SLCO2B1: variants seen among roughly 807,000 people sequenced by gnomAD.
The protein encoded by SLCO2B1 is solute carrier organic anion transporter family member 2B1, also known as OATP-RP2.
SLCO2B1 carries 41 observed loss-of-function variants against 67.3 expected under a neutral mutation model. The observed-to-expected ratio is 0.61, with a 90% confidence interval of 0.47 to 0.79. SLCO2B1 has a LOEUF of 0.79. Among genes scored for constraint, SLCO2B1 ranks in the 30% least tolerant of loss-of-function variants. SLCO2B1 has a pLI of 0.00. For missense variants in SLCO2B1, 837 were observed against 920.1 expected (o/e 0.91, Z 1.17); for synonymous variants, 379 against 381.4 (o/e 0.99, Z 0.07).
chr11:75,182,401 C>A lies in SLCO2B1; in HGVS notation c.973-5735C>A, dbSNP rs189533397. Among the ~76,000 whole-genome samples, 1,343 of 152,226 alleles carry A rather than the reference C, an allele frequency of 8.8e-3. 8 individuals carry two copies. The highest frequency in any genetic ancestry group is 0.015 in the Non-Finnish European group (1,002 of 68,014). ...CTGTAAAATAGGTGCAATAATAATC[C>A]CTGCACCAGACAGACCATTGTGGGA... is the stretch of plus-strand genomic sequence containing the variant. On this transcript the variant is annotated intron_variant, in intron 7 of 13. Coordinates refer to ENST00000289575, the MANE Select transcript of SLCO2B1 (RefSeq NM_007256.5).
chr11:75,181,333 G>GC (rs1950089241), intron 7 of SLCO2B1, among the ~76,000 whole-genome samples: 1 of 142,870 alleles, frequency 7.0e-6, no homozygotes, highest in Non-Finnish European at 1.5e-5. Flanking sequence ...TTGCATCATT[G>GC]CACCACTCCA....
chr11:75,153,924 C>CTTTT (rs538639501), intron 1 of SLCO2B1, among the ~76,000 whole-genome samples: 1 of 123,974 alleles, frequency 8.1e-6, no homozygotes, highest in East Asian at 2.4e-4. Context: ...GTGTACAGTA[C>CTTTT]TTTTTTTTTT....
intron 1 of SLCO2B1, among the ~76,000 whole-genome samples, chr11:75,153,691 C>T (rs1949716155): frequency 6.6e-6 from 1 of 152,182 alleles, no homozygotes; most frequent in Admixed American, 6.5e-5. Flanking sequence ...AGTGAGCTGC[C>T]CAGTACCGTT....
At chr11:75,199,381 C>G (rs368915352) in intron 10 of SLCO2B1, among the ~76,000 whole-genome samples, 2 of 152,188 alleles carry the variant, frequency 1.3e-5, no homozygotes, top group East Asian at 1.9e-4. Flanking sequence ...CCATCCACCC[C>G]CAAGCCCACT....
At chr11:75,153,479 G>A (rs60546054) in intron 1 of SLCO2B1, among the ~76,000 whole-genome samples, 2,601 of 152,296 alleles carry the variant, frequency 0.017, 73 homozygotes, top group African/African-American at 0.057. Flanking sequence ...GGGCAAGCAA[G>A]GTCCAAGCTC....
In SLCO2B1 at chr11:75,203,324, G is replaced by A. The variant is rs1282534010; in HGVS notation, c.1846G>A (p.Val616Met). 9 of 1,613,844 alleles carry A rather than the reference G, an allele frequency of 5.6e-6. No homozygotes were observed. The highest frequency in any genetic ancestry group is 3.3e-5 in the South Asian group (3 of 91,078). ...LRILAWMPSP[V>M]IHGSAIDTTC... Reference sequence around the variant, plus strand: ...TCCCTCAGCCTGGATGCCCAGCCCCGTGATCCACGGCAGCGCCATCGACAC... The same window carrying A: ...TCCCTCAGCCTGGATGCCCAGCCCCATGATCCACGGCAGCGCCATCGACAC... The change falls in exon 13 of 14, where the codon GTG becomes ATG. Residue 616 changes from valine to methionine, a missense_variant. By Grantham distance (21) the Val-to-Met change is conservative. Coordinates refer to ENST00000289575, the MANE Select transcript of SLCO2B1 (RefSeq NM_007256.5).
intron 8 of SLCO2B1, among the ~76,000 whole-genome samples, chr11:75,190,362 G>A (rs1383855798): frequency 1.3e-5 from 2 of 152,220 alleles, no homozygotes; most frequent in African/African-American, 4.8e-5. Context: ...CTAGGGCCTG[G>A]CCTTGACCAC....
In SLCO2B1 at chr11:75,161,718, G is replaced by A. The variant is rs139480221; in HGVS notation, c.17-937G>A. Among the ~76,000 whole-genome samples, 543 of 152,292 alleles carry A rather than the reference G, an allele frequency of 3.6e-3. 2 individuals are homozygous for A. The highest frequency in any genetic ancestry group is 4.9e-3 in the Non-Finnish European group (336 of 68,018). ...AGGAAGTGGAGCCGCAGAAGGGGAG[G>A]AAGACCAAGGAGGCCTGGGCTGCCA... is the stretch of plus-strand genomic sequence containing the variant. On this transcript the variant is annotated intron_variant, in intron 1 of 13. Transcript: ENST00000289575.
In SLCO2B1 at chr11:75,183,607, C is replaced by T. The variant is rs75166450; in HGVS notation, c.973-4529C>T. Reference sequence around the variant, plus strand: ...AGGTGCCATCATAGCTTACTGTAGCCTTGGACTCCTGGGCTCAAGTGATGC... The same window carrying T: ...AGGTGCCATCATAGCTTACTGTAGCTTTGGACTCCTGGGCTCAAGTGATGC... On this transcript the variant is annotated intron_variant, in intron 7 of 13. Coordinates refer to ENST00000289575, the MANE Select transcript of SLCO2B1 (RefSeq NM_007256.5). Among the ~76,000 whole-genome samples, 449 of 152,222 alleles carry T rather than the reference C, an allele frequency of 2.9e-3. 4 individuals carry two copies. Among genetic ancestry groups the T allele is most frequent in the African/African-American group, 0.011 (439 of 41,526 alleles).
chr11:75,164,046 G>A lies in SLCO2B1; in HGVS notation c.231G>A (p.Glu77=). 1 of 1,607,624 alleles carries A rather than the reference G, an allele frequency of 6.2e-7. No individual in the cohort carries two copies. The highest frequency in any genetic ancestry group is 1.1e-5 in the South Asian group (1 of 89,532). The part of the protein sequence containing the change: ...GYLKSSISTV[E]KRFGLSSQTS... The stretch of plus-strand genomic sequence containing the variant: ...TAAAGAGCTCCATCTCCACAGTGGA[G>A]AAGCGCTTCGGCCTCTCCAGCCAGA... The change falls in exon 3 of 14, where the codon GAG becomes GAA. Residue 77 remains glutamate (E), a synonymous_variant. Transcript: ENST00000289575.
chr11:75,200,175 GC>G (rs1332100492), intron 10 of SLCO2B1, 48 bp from the exon 11 acceptor site: 1 of 1,556,922 alleles, frequency 6.4e-7, no homozygotes, highest in East Asian at 2.3e-5. Flanking sequence ...TTGGCCAGCT[GC>G]CTGCCCTTGG....
intron 1 of SLCO2B1, among the ~76,000 whole-genome samples, chr11:75,156,203 C>G (rs1413956916): frequency 1.3e-5 from 2 of 152,218 alleles, no homozygotes; most frequent in African/African-American, 4.8e-5. Context: ...AATCCAAAGT[C>G]TTCTCACCCA....
At chr11:75,159,907 G>A (rs1266631388) in intron 1 of SLCO2B1, 2 of 981,444 alleles carry the variant, frequency 2.0e-6, no homozygotes, top group African/African-American at 1.7e-5. Context: ...TGAGGCAGGT[G>A]AGCAGGCTCC....
At chr11:75,202,741 G>T in intron 11 of SLCO2B1, 160 bp from the exon 12 acceptor site, 1 of 673,212 alleles carries the variant, frequency 1.5e-6, no homozygotes, top group Non-Finnish European at 2.7e-6. Flanking sequence ...AAAAGGATGG[G>T]GTACGTCCCT....
intron 8 of SLCO2B1, among the ~76,000 whole-genome samples, chr11:75,188,719 AAAC>A (rs926306232): frequency 6.6e-6 from 1 of 152,138 alleles, no homozygotes; most frequent in Non-Finnish European, 1.5e-5. Context: ...TTCATTTCAA[AAAC>A]AACAACAAAA....
Position 75,193,621 on chromosome 11 carries a change from A to G in SLCO2B1, c.1433+46A>G, listed in dbSNP as rs1388013854. 1.4e-6 allele frequency: 2 copies of G among 1,471,696 alleles called. No individual in the cohort carries two copies. The highest frequency in any genetic ancestry group is 2.7e-5 in the South Asian group (2 of 74,428). 91.2% of individuals were successfully genotyped at this position (1,471,696 alleles called of 1,614,324 possible). ...GTAAAGGCAAGCCTGGGAGGACAGG[A>G]CAGGGAGGACAGGGGCCCTGGGCAG... On this transcript the variant is annotated intron_variant, in intron 9 of 13. Coordinates refer to ENST00000289575, the MANE Select transcript of SLCO2B1 (RefSeq NM_007256.5). The surrounding 1 kb of genome is among the most constrained non-coding windows in gnomAD (Gnocchi z 4.2).
At chr11:75,153,995 G>A (rs1949719220) in intron 1 of SLCO2B1, among the ~76,000 whole-genome samples, 1 of 147,438 alleles carries the variant, frequency 6.8e-6, no homozygotes, top group Non-Finnish European at 1.5e-5. Context: ...GCGCCATCTC[G>A]GCTCACTGCA....
At chr11:75,174,851 G>A (rs1343125945) in intron 7 of SLCO2B1, among the ~76,000 whole-genome samples, 1 of 152,164 alleles carries the variant, frequency 6.6e-6, no homozygotes, top group Non-Finnish European at 1.5e-5. Flanking sequence ...TTAGGGGTGG[G>A]AGACCACGCT....
intron 2 of SLCO2B1, 41 bp downstream of exon 2, chr11:75,162,826 A>G (rs2140306601): frequency 6.3e-7 from 1 of 1,596,208 alleles, no homozygotes; most frequent in South Asian, 1.1e-5. Context: ...AGTCTAGAAG[A>G]GCAGGCTCTG....
Sources: allele counts gnomAD v4.1 joint callset (sites outside exome capture counted in the v4.1 genomes callset), GRCh38; gene constraint gnomAD v4.1.1; non-coding constraint Gnocchi (gnomAD v3.1); transcripts MANE v1.5; gene names NCBI Gene and HGNC (gene_info 2026-07-23, HGNC 2026-07-21).